INPP4B: variants seen among roughly 807,000 people sequenced by gnomAD.
INPP4B encodes the protein inositol polyphosphate 4-phosphatase type II.
Under a neutral mutation model 122.5 loss-of-function variants are expected in INPP4B, and 55 were observed. The ratio of observed to expected loss-of-function variants is 0.45; its 90% CI spans 0.36 to 0.56. The LOEUF is 0.56. Ranked by LOEUF, INPP4B falls within the 20% of genes least tolerant of loss-of-function variation. INPP4B has a pLI of 0.00. For missense variants in INPP4B, 1,000 were observed against 1,097.7 expected, an observed-to-expected ratio of 0.91 and a Z score of 1.26; for synonymous variants, 403 against 388.7, an observed-to-expected ratio of 1.04 and a Z score of -0.43.
chr4:142,461,986 T>C (rs1330493962), intron 3 of INPP4B, among the ~76,000 whole-genome samples: 5 of 152,182 alleles, frequency 3.3e-5, no homozygotes, highest in Admixed American at 6.5e-5. Context: ...TTCATCTTAT[T>C]TTCAACCCGG....
intron 7 of INPP4B, among the ~76,000 whole-genome samples, chr4:142,398,956 G>T (rs1012094192): frequency 6.6e-6 from 1 of 152,058 alleles, no homozygotes; most frequent in African/African-American, 2.4e-5. Flanking sequence ...AAAAAGAGGG[G>T]TGTCAATGTA....
At chr4:142,113,295 T>C (rs1791208492) in intron 21 of INPP4B, among the ~76,000 whole-genome samples, 1 of 151,926 alleles carries the variant, frequency 6.6e-6, no homozygotes, top group African/African-American at 2.4e-5. Context: ...TAAGTTAGGA[T>C]TAGTACAATA....
In INPP4B at chr4:142,793,066, A is replaced by G. The variant is rs781259405; in HGVS notation, c.-254+53143T>C. Among the ~76,000 whole-genome samples, 17 of 152,162 alleles carry G rather than the reference A, an allele frequency of 1.1e-4. 1 individual carries two copies. The highest frequency in any genetic ancestry group is 3.4e-3 in the Middle Eastern group (1 of 294). ...TCCCAAGATACCCTCTGAAGTAAAG[A>G]GCAAATGACAAAAGTGCTACAGAAT... is the stretch of plus-strand genomic sequence containing the variant. On this transcript the variant is annotated intron_variant, in intron 1 of 25. Transcript: ENST00000262992.
intron 2 of INPP4B, among the ~76,000 whole-genome samples, chr4:142,514,046 G>A (rs1825100743): frequency 6.6e-6 from 1 of 152,140 alleles, no homozygotes; most frequent in Admixed American, 6.6e-5. Flanking sequence ...CTTGCCAAAT[G>A]TCCATCTCCA....
intron 12 of INPP4B, among the ~76,000 whole-genome samples, chr4:142,217,527 G>C (rs919802762): frequency 6.6e-6 from 1 of 152,142 alleles, no homozygotes; most frequent in South Asian, 2.1e-4. Flanking sequence ...GACATGGTTC[G>C]GTCTTCTACC....
chr4:142,617,829 A>T (rs906075550), intron 2 of INPP4B, among the ~76,000 whole-genome samples: 3 of 152,172 alleles, frequency 2.0e-5, no homozygotes, highest in Non-Finnish European at 4.4e-5. Context: ...AGCTGGATTG[A>T]ATTAACACAA....
chr4:142,070,161 G>T lies in INPP4B; in HGVS notation c.2642+11870C>A, dbSNP rs764774134. Among the ~76,000 whole-genome samples, 12 of 152,266 alleles carry T rather than the reference G, an allele frequency of 7.9e-5. No homozygotes were observed. The Middle Eastern group carries it at 0.01, about 129-fold the overall frequency. On this transcript the variant is annotated intron_variant, in intron 25 of 25. Coordinates refer to ENST00000262992, the MANE Select transcript of INPP4B (RefSeq NM_001101669.3). ...CCATGATCAACTTGGCTTCATCCCT[G>T]GGATGCAAGGCTGGTTCAACATACG... is the stretch of plus-strand genomic sequence containing the variant.
chr4:142,484,849 A>T (rs1328421918), intron 2 of INPP4B, among the ~76,000 whole-genome samples: 1 of 152,034 alleles, frequency 6.6e-6, no homozygotes, highest in Non-Finnish European at 1.5e-5. Context: ...AAATCCTCAG[A>T]AAAAGGTCTA....
At chr4:142,629,611 A>G (rs995486926) in intron 2 of INPP4B, among the ~76,000 whole-genome samples, 1 of 152,020 alleles carries the variant, frequency 6.6e-6, no homozygotes, top group Non-Finnish European at 1.5e-5. Flanking sequence ...GCACAACAGA[A>G]CATATTTCTA....
intron 2 of INPP4B, among the ~76,000 whole-genome samples, chr4:142,626,782 C>T (rs1253899417): frequency 6.6e-6 from 1 of 152,000 alleles, no homozygotes; most frequent in Non-Finnish European, 1.5e-5. Flanking sequence ...CTAACTAGCT[C>T]CACCAAAATG....
intron 5 of INPP4B, among the ~76,000 whole-genome samples, chr4:142,419,605 T>C (rs1322488942): frequency 6.6e-6 from 1 of 152,108 alleles, no homozygotes; most frequent in Non-Finnish European, 1.5e-5. Flanking sequence ...TTTAGTTTCT[T>C]CCACTACAAA....
intron 18 of INPP4B, among the ~76,000 whole-genome samples, chr4:142,134,061 G>C (rs541279317): frequency 2.0e-5 from 3 of 152,158 alleles, no homozygotes; most frequent in African/African-American, 4.8e-5. Flanking sequence ...AACTTCAGGA[G>C]AGCCAGTGTT....
chr4:142,123,534 T>A, intron 19 of INPP4B, 119 bp from the exon 20 acceptor site: 1 of 912,838 alleles, frequency 1.1e-6, no homozygotes, highest in Non-Finnish European at 1.6e-6. Flanking sequence ...ATAACAAAAC[T>A]ACAACTATTT....
chr4:142,176,866 A>G (rs1828558867), intron 15 of INPP4B, among the ~76,000 whole-genome samples: 1 of 152,174 alleles, frequency 6.6e-6, no homozygotes, highest in Non-Finnish European at 1.5e-5. Flanking sequence ...GACTCTCATA[A>G]AAGTTCCTTC....
intron 1 of INPP4B, among the ~76,000 whole-genome samples, chr4:142,801,588 TG>T (rs1778014321): frequency 6.6e-6 from 1 of 152,168 alleles, no homozygotes; most frequent in African/African-American, 2.4e-5. Context: ...AAATAAATTT[TG>T]GTTGTTTAAG....
chr4:142,396,560 CTT>C (rs573725089), intron 7 of INPP4B, among the ~76,000 whole-genome samples: 4 of 152,080 alleles, frequency 2.6e-5, no homozygotes, highest in Admixed American at 6.5e-5. Context: ...TTCTAGGAAA[CTT>C]AAACATGAAT....
intron 7 of INPP4B, among the ~76,000 whole-genome samples, chr4:142,323,353 T>G (rs1409887877): frequency 6.6e-6 from 1 of 152,024 alleles, no homozygotes; most frequent in South Asian, 2.1e-4. Context: ...AGAATGCTCA[T>G]GAGTGAAATG....
chr4:142,794,908 G>C (rs1777032528), intron 1 of INPP4B, among the ~76,000 whole-genome samples: 1 of 151,150 alleles, frequency 6.6e-6, no homozygotes, highest in Admixed American at 6.6e-5. Flanking sequence ...CTAGGTGTGT[G>C]TGTATATGTA....
At chr4:142,834,995 T>C (rs1437362135) in intron 1 of INPP4B, among the ~76,000 whole-genome samples, 2 of 152,230 alleles carry the variant, frequency 1.3e-5, no homozygotes, top group Non-Finnish European at 2.9e-5. Flanking sequence ...CTCAATTATC[T>C]AGCCTATGAA....
Sources: gnomAD v4.1 joint callset for allele counts (sites outside exome capture counted in the v4.1 genomes callset) on GRCh38, gnomAD v4.1.1 for gene constraint, MANE v1.5 for transcripts, NCBI Gene and HGNC (gene_info 2026-07-23, HGNC 2026-07-21) for gene names.